E2F4: variants seen among roughly 807,000 people sequenced by gnomAD.
E2F4 encodes the protein transcription factor E2F4.
In E2F4, 16 loss-of-function variants were observed where a neutral mutation model predicts 44.5. The ratio of observed to expected loss-of-function variants is 0.36; its 90% confidence interval spans 0.24 to 0.55. The LOEUF (loss-of-function observed/expected upper bound fraction) is 0.55, where lower values mean the gene tolerates loss of function less well. Ranked by LOEUF, E2F4 falls within the 20% of genes least tolerant of loss-of-function variation. The pLI is 0.87. For synonymous variants in E2F4, 242 were observed against 207.2 expected, an observed-to-expected ratio of 1.17 and a Z score of -1.44; for missense variants, 473 against 522.1, an observed-to-expected ratio of 0.91 and a Z score of 0.92.
Position 67,198,747 on chromosome 16 carries a change from CTTCAT to C in E2F4, c.*628_*632del, listed in dbSNP as rs1383251991. On this transcript the variant is annotated 3_prime_UTR_variant, in exon 10 of 10. Transcript: ENST00000379378. ...ACCTCCTGCTGCCCCATAACCCTCTCTTCATTTCGGCTTTTTCATTTACCCTCATT... is the reference window on the plus strand; with the variant it reads ...ACCTCCTGCTGCCCCATAACCCTCTCTTCGGCTTTTTCATTTACCCTCATT... 1.6e-5 allele frequency: 3 copies of C among 193,238 alleles called. No individual in the cohort carries two copies. The highest frequency in any genetic ancestry group is 7.1e-5 in the African/African-American group (3 of 42,196). The allele number at this position is 193,238 out of a possible 1,614,324, so 12.0% of individuals were successfully genotyped here.
chr16:67,193,586 GTC>G, intron 4 of E2F4, 71 bp downstream of exon 4: 2 of 1,514,348 alleles, frequency 1.3e-6, no homozygotes, highest in South Asian at 2.2e-5. Context: ...TGGGCTCAGT[GTC>G]TTAGGAGAGT....
At chr16:67,195,086 C>T in intron 6 of E2F4, 106 bp downstream of exon 6, 6 of 1,391,236 alleles carry the variant, frequency 4.3e-6, no homozygotes, top group Non-Finnish European at 5.8e-6. Context: ...GGGGATTGTC[C>T]TTTTCCTGAC....
intron 7 of E2F4, 81 bp from the exon 8 acceptor site, chr16:67,197,518 A>G: frequency 7.1e-7 from 1 of 1,409,970 alleles, no homozygotes; most frequent in Non-Finnish European, 1.0e-6. Flanking sequence ...GGTGGGTGGT[A>G]TAGGATCCGA....
At chr16:67,192,659 T>A in intron 1 of E2F4, 102 bp from the exon 2 acceptor site, 1 of 1,176,034 alleles carries the variant, frequency 8.5e-7, no homozygotes, top group Non-Finnish European at 1.2e-6. Context: ...TGGGAGGCAC[T>A]ACAGGGTTGG....
chr16:67,195,093 T>C, intron 6 of E2F4, 113 bp downstream of exon 6: 1 of 1,344,842 alleles, frequency 7.4e-7, no homozygotes, highest in South Asian at 1.5e-5. Flanking sequence ...GTCCTTTTCC[T>C]GACCACCTAG....
rs778952840 is a variant in E2F4, at chr16:67,198,244, C to A, written c.*121C>A. 1.2e-6 allele frequency: 1 copy of A among 818,856 alleles called. No individual in the cohort carries two copies. The highest frequency in any genetic ancestry group is 1.5e-5 in the South Asian group (1 of 67,366). The allele number at this position is 818,856 out of a possible 1,614,324, so 50.7% of individuals were successfully genotyped here. ...GCCACAGACGCCTGGCTTCTCCGGC[C>A]TCCCCTCACCGCACAGTTCTGGCCA... On this transcript the variant is annotated 3_prime_UTR_variant, in exon 10 of 10. Coordinates refer to ENST00000379378, the MANE Select transcript of E2F4 (RefSeq NM_001950.4).
chr16:67,195,758 T>G, intron 6 of E2F4, 24 bp from the exon 7 acceptor site: 1 of 1,613,702 alleles, frequency 6.2e-7, no homozygotes, highest in East Asian at 2.2e-5. Flanking sequence ...CTTGTATGAC[T>G]GGGTTTGGGG....
Position 67,194,414 on chromosome 16 carries a change from C to T in E2F4, c.468C>T (p.Ala156=). 1 of 1,614,128 alleles carries T rather than the reference C, an allele frequency of 6.2e-7. No homozygotes were observed. Among genetic ancestry groups the T allele is most frequent in the Non-Finnish European group, 8.5e-7 (1 of 1,180,032 alleles). The change falls in exon 5 of 10, where the codon GCC becomes GCT. Residue 156 remains alanine (A), a synonymous_variant. Transcript: ENST00000379378. ...CRCFAGDTLL[A]IRAPSGTSLE... ...TCATTCTAGGAGATACCCTCTTGGCCATCCGGGCCCCATCAGGCACCAGCC... is the reference window on the plus strand; with the variant it reads ...TCATTCTAGGAGATACCCTCTTGGCTATCCGGGCCCCATCAGGCACCAGCC...
chr16:67,192,433 G>T, intron 1 of E2F4, 71 bp downstream of exon 1: 1 of 1,394,618 alleles, frequency 7.2e-7, no homozygotes, highest in South Asian at 1.8e-5. Flanking sequence ...GGAACCCCGG[G>T]GGCGGCCCAG....
Position 67,195,994 on chromosome 16 carries a change from G to T in E2F4, c.1021G>T (p.Asp341Tyr). Reference sequence around the variant, plus strand: ...TACCTCCTTTGAGCCCATCAAGGCAGACCCCACAGGTGGTGAGTACCTGCC... The same window carrying T: ...TACCTCCTTTGAGCCCATCAAGGCATACCCCACAGGTGGTGAGTACCTGCC... Reference protein sequence around the residue: ...PSTSFEPIKADPTGVLELPKE... With the variant: ...PSTSFEPIKAYPTGVLELPKE... Residue 341 changes from aspartate to tyrosine, a missense_variant, in exon 7 of 10, where the codon GAC (aspartate) becomes TAC (tyrosine). By Grantham distance (160) the Asp-to-Tyr change is radical. Transcript: ENST00000379378. The T allele has an allele frequency of 1.2e-6, 2 of 1,614,152 alleles. No homozygotes were observed. Among genetic ancestry groups the T allele is most frequent in the Non-Finnish European group, 1.7e-6 (2 of 1,179,988 alleles).
chr16:67,192,160 C>T lies in E2F4; in HGVS notation c.-68C>T, dbSNP rs921217028. Reference sequence around the variant, plus strand: ...GCTCCGGCTGCCCGGCGGCCAGGAACGGAAGCGGAAGTGGCGGCGGCGCCG... The same window carrying T: ...GCTCCGGCTGCCCGGCGGCCAGGAATGGAAGCGGAAGTGGCGGCGGCGCCG... On this transcript the variant is annotated 5_prime_UTR_variant, in exon 1 of 10. In the 5' UTR this introduces an upstream ATG that the reference lacks. Transcript: ENST00000379378. 45 of 1,186,158 alleles carry T rather than the reference C, an allele frequency of 3.8e-5. No individual in the cohort carries two copies. The highest frequency in any genetic ancestry group is 4.3e-5 in the Non-Finnish European group (41 of 957,616). The allele number at this position is 1,186,158 out of a possible 1,614,324, so 73.5% of individuals were successfully genotyped here.
chr16:67,192,534 C>G, intron 1 of E2F4, 172 bp downstream of exon 1: 2 of 1,115,418 alleles, frequency 1.8e-6, no homozygotes, highest in Non-Finnish European at 2.4e-6. Context: ...GGCCATCGAG[C>G]TACAGCTATG....
In E2F4 at chr16:67,194,600, A is replaced by G. The variant is rs1192529391; in HGVS notation, c.514-86A>G. Reference sequence around the variant, plus strand: ...GGATGGGCATCCTGGGTGGGAGAGGACACTGTGGTCCTGACCCGGAGTCGG... The same window carrying G: ...GGATGGGCATCCTGGGTGGGAGAGGGCACTGTGGTCCTGACCCGGAGTCGG... On this transcript the variant is annotated intron_variant, in intron 5 of 9. Coordinates refer to ENST00000379378, the MANE Select transcript of E2F4 (RefSeq NM_001950.4). The G allele has an allele frequency of 6.4e-6, 10 of 1,574,206 alleles. No homozygotes were observed. The Admixed American group carries it at 1.7e-4, about 27-fold the overall frequency.
chr16:67,194,716 C>G lies in E2F4; in HGVS notation c.544C>G (p.His182Asp). 1 of 1,613,906 alleles carries G rather than the reference C, an allele frequency of 6.2e-7. No homozygotes were observed. Among genetic ancestry groups the G allele is most frequent in the Non-Finnish European group, 8.5e-7 (1 of 1,179,786 alleles). Residue 182 changes from histidine (H) to aspartate (D), a missense_variant, in exon 6 of 10, where the codon CAC becomes GAC. Physicochemically the swap from His to Asp is moderately conservative, Grantham distance 81. Coordinates refer to ENST00000379378, the MANE Select transcript of E2F4 (RefSeq NM_001950.4). The stretch of plus-strand genomic sequence containing the variant: ...CAATGGGCAGAAGAAGTACCAGATT[C>G]ACCTGAAGAGTGTGAGTGGTCCCAT... Reference protein sequence around the residue: ...GLNGQKKYQIHLKSVSGPIEV... With the variant: ...GLNGQKKYQIDLKSVSGPIEV...
chr16:67,193,366 G>C, intron 3 of E2F4, 106 bp from the exon 4 acceptor site: 3 of 1,506,998 alleles, frequency 2.0e-6, no homozygotes, highest in Non-Finnish European at 9.2e-7. Context: ...TCCCCAGAAC[G>C]GTCTCTGAGG....
chr16:67,194,051 A>C, intron 4 of E2F4: 1 of 291,606 alleles, frequency 3.4e-6, no homozygotes. Context: ...TGCCCCGCTG[A>C]TGTGTTTCTT....
At chr16:67,197,831 C>T in intron 8 of E2F4, 36 bp from the exon 9 acceptor site, 1 of 1,613,818 alleles carries the variant, frequency 6.2e-7, no homozygotes, top group Non-Finnish European at 8.5e-7. Flanking sequence ...GAGGTGGGAG[C>T]TGGAATGTTA....
At chr16:67,195,057 G>C (rs928125639) in intron 6 of E2F4, 77 bp downstream of exon 6, 1 of 1,524,398 alleles carries the variant, frequency 6.6e-7, no homozygotes, top group Non-Finnish European at 8.9e-7. Flanking sequence ...GCTCAGAGTT[G>C]GAAGAGACTC....
rs917378338 is a variant in E2F4 at position 67,198,431 on chromosome 16, T to C, written c.*308T>C. On this transcript the variant is annotated 3_prime_UTR_variant, in exon 10 of 10. Transcript: ENST00000379378. Reference sequence around the variant, plus strand: ...TGGCACAGAACCGAGGAGCTGCCATTACCCCCCATAGGGGGCAGTGTCTTG... The same window carrying C: ...TGGCACAGAACCGAGGAGCTGCCATCACCCCCCATAGGGGGCAGTGTCTTG... 5.5e-6 allele frequency: 2 copies of C among 365,830 alleles called. No homozygotes were observed. The highest frequency in any genetic ancestry group is 1.0e-5 in the Non-Finnish European group (2 of 194,484). 22.7% of individuals were successfully genotyped at this position (365,830 alleles called of 1,614,324 possible).
Sources: gnomAD v4.1 joint callset for allele counts on GRCh38, gnomAD v4.1.1 for gene constraint, MANE v1.5 for transcripts, NCBI Gene and HGNC (gene_info 2026-07-23, HGNC 2026-07-21) for gene names.